SNRPN: variants seen among roughly 807,000 people sequenced by gnomAD.
SNRPN encodes small nuclear ribonucleoprotein polypeptide N, also known as small nuclear ribonucleoprotein-associated protein N.
Under a neutral mutation model 25.2 loss-of-function variants are expected in SNRPN, and 7 were observed. That is an observed-to-expected ratio of 0.28 (90% confidence interval 0.16 to 0.52). The LOEUF is 0.52. Among genes scored for constraint, SNRPN ranks in the 20% least tolerant of loss-of-function variants. SNRPN has a pLI of 0.96. For synonymous variants in SNRPN, 124 were observed against 110.6 expected (o/e 1.12, Z -0.76); for missense variants, 196 against 322.5 (o/e 0.61, Z 3.00).
chr15:24,973,911 A>T (rs1469526330), intron 3 of SNRPN, among the ~76,000 whole-genome samples: 1 of 152,198 alleles, frequency 6.6e-6, no homozygotes, highest in African/African-American at 2.4e-5. Context: ...AAATGACAAC[A>T]TAGGTATTTC....
At chr15:24,906,019 A>C (rs1340973990) in intron 2 of SNRPN, among the ~76,000 whole-genome samples, 1 of 152,264 alleles carries the variant, frequency 6.6e-6, no homozygotes, top group Non-Finnish European at 1.5e-5. Context: ...AGACATATTA[A>C]TAAGAAAAAA....
chr15:24,872,000 C>T (rs181118585), intron 1 of SNRPN, among the ~76,000 whole-genome samples: 1,337 of 119,846 alleles, frequency 0.011, 383 homozygotes, highest in Non-Finnish European at 0.013. Flanking sequence ...CCACCACGCC[C>T]GGCCTTTTGT....
upstream of SNRPN, among the ~76,000 whole-genome samples, chr15:24,950,544 C>CTTTTTTTTTTT (rs1024998270): frequency 5.1e-5 from 5 of 97,138 alleles, no homozygotes; most frequent in East Asian, 3.0e-4. Context: ...GTTCTCATTT[C>CTTTTTTTTTTT]TTTTTTTTTT....
At chr15:24,894,081 G>A (rs1031183014) in intron 2 of SNRPN, among the ~76,000 whole-genome samples, 2 of 152,168 alleles carry the variant, frequency 1.3e-5, no homozygotes, top group African/African-American at 4.8e-5. Flanking sequence ...GGCAATAGAT[G>A]TTAGCTGCAA....
At chr15:24,971,732 A>G (rs894574805) in intron 3 of SNRPN, among the ~76,000 whole-genome samples, 1 of 152,174 alleles carries the variant, frequency 6.6e-6, no homozygotes, top group Non-Finnish European at 1.5e-5. Context: ...TCTGGCATAA[A>G]TGGGTTAAAA....
chr15:24,928,461 T>A (rs1463878105), intron 3 of SNRPN, among the ~76,000 whole-genome samples: 1 of 151,834 alleles, frequency 6.6e-6, no homozygotes, highest in African/African-American at 2.4e-5. Flanking sequence ...TTATGTTAAA[T>A]GAAATAAGCC....
intron 2 of SNRPN, among the ~76,000 whole-genome samples, chr15:24,966,445 G>A (rs1325482276): frequency 1.3e-5 from 2 of 152,082 alleles, no homozygotes; most frequent in Non-Finnish European, 2.9e-5. Flanking sequence ...TTTTGTTGGG[G>A]ATTCATTATG....
In SNRPN at chr15:24,977,865, C is replaced by G; in HGVS notation, c.508C>G (p.Pro170Ala). ...TGCTGGAGCCCCAACACAGTACCCA[C>G]CAGGACGGGGCACTCCGCCCCCACC... ...SIAGAPTQYP[P>A]GRGTPPPPVG... Residue 170 changes from proline to alanine, a missense_variant, in exon 8 of 10, where the codon CCA (proline) becomes GCA (alanine). Transcript: ENST00000390687. The G allele has an allele frequency of 6.2e-7, 1 of 1,612,690 alleles. No individual in the cohort carries two copies.
At chr15:24,948,903 C>T (rs552461502) in intron 3 of SNRPN, among the ~76,000 whole-genome samples, 5 of 151,032 alleles carry the variant, frequency 3.3e-5, no homozygotes, top group Non-Finnish European at 5.9e-5. Flanking sequence ...ATATTTTGAT[C>T]ATCCCAGAAA....
At chr15:24,954,857 C>A, upstream of SNRPN, 3 of 737,452 alleles carry the variant, frequency 4.1e-6, no homozygotes, top group South Asian at 1.8e-5. Context: ...CAGGTCATTC[C>A]GGTGAGGGAG....
chr15:24,863,606 A>G (rs1460014175), intron 1 of SNRPN, among the ~76,000 whole-genome samples: 1 of 150,752 alleles, frequency 6.6e-6, no homozygotes, highest in African/African-American at 2.5e-5. Flanking sequence ...AAATTGACCA[A>G]AATTCCTTAT....
rs1327971396 is a variant in SNRPN, at chr15:24,872,369, T to G, written c.-578-14147T>G. 3.4e-5 allele frequency among the ~76,000 whole-genome samples: 4 copies of G among 118,750 alleles called. 1 individual carries two copies. Among genetic ancestry groups the G allele is most frequent in the African/African-American group, 1.2e-4 (4 of 34,744 alleles). The allele number at this position is 118,750 out of a possible 152,430, so 77.9% of individuals were successfully genotyped here. A position where few individuals can be genotyped will look rare whatever the true frequency, so the allele number is the denominator to read the frequency against. On this transcript the variant is annotated intron_variant, in intron 1 of 11. Coordinates refer to the SNRPN transcript ENST00000400097. Reference sequence around the variant, plus strand: ...TTTAGTAGAGACAGGGTTTCACCATTTTGGCCAGGCTGGTCTCAAACTCCT... The same window carrying G: ...TTTAGTAGAGACAGGGTTTCACCATGTTGGCCAGGCTGGTCTCAAACTCCT...
chr15:24,896,805 A>G (rs1046451108), intron 2 of SNRPN, among the ~76,000 whole-genome samples: 3 of 152,216 alleles, frequency 2.0e-5, no homozygotes, highest in East Asian at 3.9e-4. Context: ...GCAAGCTGCC[A>G]TGAATTCTAT....
At chr15:24,878,546 A>G (rs1398727577) in intron 1 of SNRPN, among the ~76,000 whole-genome samples, 2 of 152,164 alleles carry the variant, frequency 1.3e-5, no homozygotes, top group Non-Finnish European at 2.9e-5. Flanking sequence ...GCAAGCGTTA[A>G]CCTGCGTTTT....
At chr15:24,945,578 G>C (rs536321251) in intron 3 of SNRPN, among the ~76,000 whole-genome samples, 14 of 152,036 alleles carry the variant, frequency 9.2e-5, no homozygotes, top group Admixed American at 5.2e-4. Context: ...CAGGCAGCAG[G>C]CAGGATTTGG....
chr15:24,876,083 A>G (rs1365413295), intron 1 of SNRPN, among the ~76,000 whole-genome samples: 1 of 151,768 alleles, frequency 6.6e-6, no homozygotes. Context: ...CAAAAAAAAT[A>G]AAAATTTTAA....
rs762005922 is a variant in SNRPN at position 24,974,500 on chromosome 15, G to A, written c.3+44G>A. 7 of 1,601,220 alleles carry A rather than the reference G, an allele frequency of 4.4e-6. No homozygotes were observed. In the South Asian group the frequency reaches 5.5e-5, roughly 13 times the overall value. On this transcript the variant is annotated intron_variant, in intron 4 of 9. Coordinates refer to ENST00000390687, the MANE Select transcript of SNRPN (RefSeq NM_003097.6). The stretch of plus-strand genomic sequence containing the variant: ...CTGAGGGTTGAAATGTGCTGTAAGG[G>A]CCGAAAGAAATAGTTTGCCAGCATG...
At chr15:24,881,649 GAAA>G (rs2056691202) in intron 1 of SNRPN, among the ~76,000 whole-genome samples, 1 of 146,546 alleles carries the variant, frequency 6.8e-6, no homozygotes. Flanking sequence ...CTAGCAGAGT[GAAA>G]CAAAAACTAA....
At chr15:24,879,518 A>G (rs1016998390) in intron 1 of SNRPN, among the ~76,000 whole-genome samples, 1 of 152,198 alleles carries the variant, frequency 6.6e-6, no homozygotes, top group Admixed American at 6.5e-5. Flanking sequence ...ATGAAATGAA[A>G]CATTGTTTAG....
Sources: allele counts gnomAD v4.1 joint callset (sites outside exome capture counted in the v4.1 genomes callset), GRCh38; gene constraint gnomAD v4.1.1; transcripts MANE v1.5; gene names NCBI Gene and HGNC (gene_info 2026-07-23, HGNC 2026-07-21).